ATP8A1: variants seen among roughly 807,000 people sequenced by gnomAD.
ATP8A1 encodes phospholipid-transporting ATPase IA.
Under a neutral mutation model 177.7 loss-of-function variants are expected in ATP8A1, and 90 were observed. The ratio of observed to expected loss-of-function variants is 0.51; its 90% CI spans 0.43 to 0.60. The LOEUF is 0.60. Ranked by LOEUF, ATP8A1 falls within the 20% of genes least tolerant of loss-of-function variation. The pLI, the probability that ATP8A1 is intolerant of heterozygous loss-of-function variation, is 0.00. For missense variants in ATP8A1, 1,072 were observed against 1,392.8 expected, an observed-to-expected ratio of 0.77 and a Z score of 3.67; for synonymous variants, 493 against 485.9, an observed-to-expected ratio of 1.01 and a Z score of -0.19.
At chr4:42,420,134 C>A (rs528975157) in intron 35 of ATP8A1, among the ~76,000 whole-genome samples, 113 of 152,290 alleles carry the variant, frequency 7.4e-4, no homozygotes, top group Middle Eastern at 6.9e-3. Flanking sequence ...CCTTAGAGTG[C>A]CATTACTTTA....
chr4:42,619,916 A>T (rs1737300971), intron 4 of ATP8A1, among the ~76,000 whole-genome samples: 2 of 152,204 alleles, frequency 1.3e-5, no homozygotes, highest in Admixed American at 1.3e-4. Flanking sequence ...CCCTTGCTAC[A>T]ATAACCACCT....
At chr4:42,594,458 G>T (rs1734521080) in intron 6 of ATP8A1, 1 of 699,088 alleles carries the variant, frequency 1.4e-6, no homozygotes, top group Non-Finnish European at 2.5e-6. Context: ...CAGTAAAAAT[G>T]GTTATCGGCA....
chr4:42,461,540 C>T (rs575692701), intron 27 of ATP8A1, among the ~76,000 whole-genome samples: 6 of 152,254 alleles, frequency 3.9e-5, no homozygotes, highest in East Asian at 1.9e-4. Flanking sequence ...CCTTGCCTTC[C>T]ATCATGATTG....
intron 5 of ATP8A1, among the ~76,000 whole-genome samples, chr4:42,608,512 A>G (rs1358019956): frequency 6.6e-6 from 1 of 152,062 alleles, no homozygotes; most frequent in Non-Finnish European, 1.5e-5. Context: ...GGTGCGTGCC[A>G]CCACACCTGG....
intron 24 of ATP8A1, among the ~76,000 whole-genome samples, chr4:42,488,565 C>A (rs964944596): frequency 6.6e-6 from 1 of 152,152 alleles, no homozygotes; most frequent in African/African-American, 2.4e-5. Flanking sequence ...ATTTAAAACA[C>A]AAATCTTGTC....
intron 19 of ATP8A1, among the ~76,000 whole-genome samples, chr4:42,544,583 A>G (rs1473273454): frequency 1.3e-5 from 2 of 152,240 alleles, no homozygotes; most frequent in African/African-American, 4.8e-5. Context: ...ACATAGTTTA[A>G]TAAGAACTGT....
intron 22 of ATP8A1, among the ~76,000 whole-genome samples, chr4:42,518,189 C>A (rs543554972): frequency 1.3e-5 from 2 of 152,266 alleles, no homozygotes; most frequent in African/African-American, 2.4e-5. Context: ...AAAAGTATAA[C>A]CTTAATCCTA....
At chr4:42,656,503 T>G (rs898472538) in intron 1 of ATP8A1, among the ~76,000 whole-genome samples, 25 of 150,504 alleles carry the variant, frequency 1.7e-4, no homozygotes, top group Non-Finnish European at 3.4e-4. Context: ...GGGGATCTGC[T>G]GAGTGGAAAT....
chr4:42,543,120 A>G (rs1430672134), intron 20 of ATP8A1, among the ~76,000 whole-genome samples: 1 of 152,246 alleles, frequency 6.6e-6, no homozygotes, highest in Non-Finnish European at 1.5e-5. Context: ...AAATCAAGGC[A>G]TTCAAAAATT....
chr4:42,527,258 C>G (rs1049886070), intron 20 of ATP8A1, among the ~76,000 whole-genome samples: 2 of 152,116 alleles, frequency 1.3e-5, no homozygotes, highest in Non-Finnish European at 2.9e-5. Context: ...GGCTGACCCG[C>G]AAGGAAAGGT....
intron 25 of ATP8A1, among the ~76,000 whole-genome samples, chr4:42,474,557 T>C (rs1050555245): frequency 1.3e-5 from 2 of 152,208 alleles, no homozygotes; most frequent in African/African-American, 4.8e-5. Flanking sequence ...AAGCCAGATC[T>C]TTTGGTCAAC....
chr4:42,606,357 G>GGTAT (rs1402616378), intron 5 of ATP8A1, among the ~76,000 whole-genome samples: 1 of 152,106 alleles, frequency 6.6e-6, no homozygotes, highest in Admixed American at 6.5e-5. Flanking sequence ...GAAGCTCCAT[G>GGTAT]GTATGTATGT....
intron 14 of ATP8A1, among the ~76,000 whole-genome samples, chr4:42,569,704 T>C (rs1731720370): frequency 6.6e-6 from 1 of 152,244 alleles, no homozygotes; most frequent in African/African-American, 2.4e-5. Flanking sequence ...AAAAGTTACC[T>C]GCATTTCTAT....
intron 6 of ATP8A1, among the ~76,000 whole-genome samples, chr4:42,591,129 T>C (rs900491700): frequency 6.6e-6 from 1 of 152,168 alleles, no homozygotes; most frequent in Admixed American, 6.5e-5. Flanking sequence ...AGTTTTAGTG[T>C]GAAAACTTAA....
chr4:42,466,078 G>A (rs371049138), intron 25 of ATP8A1, among the ~76,000 whole-genome samples: 1 of 146,058 alleles, frequency 6.8e-6, no homozygotes, highest in African/African-American at 2.5e-5. Flanking sequence ...ACTAGGACAA[G>A]GACAGAAGGG....
At chr4:42,610,186 A>G (rs1736230326) in intron 5 of ATP8A1, among the ~76,000 whole-genome samples, 1 of 148,454 alleles carries the variant, frequency 6.7e-6, no homozygotes, top group Non-Finnish European at 1.5e-5. Flanking sequence ...ACCTTGAATT[A>G]TATCAGTCTG....
At chr4:42,466,482 G>T (rs1719780267) in intron 25 of ATP8A1, among the ~76,000 whole-genome samples, 1 of 152,192 alleles carries the variant, frequency 6.6e-6, no homozygotes, top group Non-Finnish European at 1.5e-5. Flanking sequence ...AACTGCTTCA[G>T]CCAGAGCAGC....
intron 33 of ATP8A1, among the ~76,000 whole-genome samples, chr4:42,424,280 A>C (rs978165116): frequency 6.6e-6 from 1 of 152,110 alleles, no homozygotes; most frequent in Admixed American, 6.5e-5. Flanking sequence ...TTGCAAAAAA[A>C]AATGATTCTG....
intron 25 of ATP8A1, among the ~76,000 whole-genome samples, chr4:42,481,846 G>A (rs551422946): frequency 6.6e-6 from 1 of 152,320 alleles, no homozygotes; most frequent in African/African-American, 2.4e-5. Flanking sequence ...CAAATCATGA[G>A]AATCAGTGGA....
Sources: allele counts gnomAD v4.1 joint callset (sites outside exome capture counted in the v4.1 genomes callset), GRCh38; gene constraint gnomAD v4.1.1; transcripts MANE v1.5; gene names NCBI Gene and HGNC (gene_info 2026-07-23, HGNC 2026-07-21).